PDS5B: variants seen among roughly 807,000 people sequenced by gnomAD.
The protein encoded by PDS5B is sister chromatid cohesion protein PDS5 homolog B.
PDS5B carries 51 observed loss-of-function variants against 184.1 expected under a neutral mutation model. That is an observed-to-expected ratio of 0.28 (90% CI 0.22 to 0.35). The LOEUF (loss-of-function observed/expected upper bound fraction) is 0.35. Ranked by LOEUF, PDS5B falls within the 10% of genes least tolerant of loss-of-function variation. The pLI is 1.00. For missense variants in PDS5B, 1,180 were observed against 1,723.3 expected, an observed-to-expected ratio of 0.68 and a Z score of 5.58; for synonymous variants, 566 against 569.2, an observed-to-expected ratio of 0.99 and a Z score of 0.08.
At chr13:32,706,205 G>C (rs1317527605) in intron 17 of PDS5B, among the ~76,000 whole-genome samples, 2 of 151,824 alleles carry the variant, frequency 1.3e-5, no homozygotes, top group African/African-American at 4.8e-5. Flanking sequence ...TTGAACCCAG[G>C]AGGCGGAGGT....
chr13:32,760,414 C>G (rs1304529491), intron 29 of PDS5B, among the ~76,000 whole-genome samples, 161 bp from the exon 30 acceptor site: 1 of 152,122 alleles, frequency 6.6e-6, no homozygotes, highest in African/African-American at 2.4e-5. Flanking sequence ...TTAATTTGTT[C>G]AAGTGATATT....
intron 19 of PDS5B, among the ~76,000 whole-genome samples, chr13:32,725,892 A>AT (rs1952882673): frequency 6.6e-6 from 1 of 152,222 alleles, no homozygotes; most frequent in Admixed American, 6.5e-5. Flanking sequence ...GTATCATATT[A>AT]GAGATCTGCA....
chr13:32,754,064 C>T (rs980200685), intron 25 of PDS5B, among the ~76,000 whole-genome samples: 4 of 152,016 alleles, frequency 2.6e-5, no homozygotes, highest in Admixed American at 2.0e-4. Context: ...TTTTTCCCTC[C>T]TCTCATCCGT....
chr13:32,751,816 T>C (rs1593603207), intron 24 of PDS5B, among the ~76,000 whole-genome samples: 1 of 152,358 alleles, frequency 6.6e-6, no homozygotes, highest in East Asian at 1.9e-4. Context: ...CTGTTTACTC[T>C]GTTGATGGTT....
chr13:32,726,357 A>G (rs1593530942), intron 19 of PDS5B, among the ~76,000 whole-genome samples: 1 of 152,266 alleles, frequency 6.6e-6, no homozygotes, highest in East Asian at 1.9e-4. Flanking sequence ...TTCATTATTT[A>G]TGGACATTGG....
chr13:32,629,526 T>C (rs2058423238), intron 1 of PDS5B, among the ~76,000 whole-genome samples: 1 of 152,320 alleles, frequency 6.6e-6, no homozygotes, highest in African/African-American at 2.4e-5. Context: ...GTTGGAGTTA[T>C]CCATTACATT....
At position 32,591,979 on chromosome 13, in the gene PDS5B, T is replaced by C. The variant is rs568462742; in HGVS notation, c.-20+5386T>C. On this transcript the variant is annotated intron_variant, in intron 1 of 34. Transcript: ENST00000315596. ...CAACTCTGGGTCAGTATGAGAGTAT[T>C]GAAAGCCCTTGACTTGGTGTAAACA... Among the ~76,000 whole-genome samples, 3 of 152,250 alleles carry C rather than the reference T, an allele frequency of 2.0e-5. No homozygotes were observed. The South Asian group carries it at 6.2e-4, about 32-fold the overall frequency.
At chr13:32,676,985 T>C (rs1169702844) in intron 9 of PDS5B, among the ~76,000 whole-genome samples, 1 of 151,648 alleles carries the variant, frequency 6.6e-6, no homozygotes, top group Non-Finnish European at 1.5e-5. Context: ...TTATATTCTT[T>C]GTGTTGAAAT....
chr13:32,664,333 G>GTACAAAAACCTTCTAGCATAA (rs1950728088), intron 6 of PDS5B, among the ~76,000 whole-genome samples: 1 of 152,068 alleles, frequency 6.6e-6, no homozygotes. Flanking sequence ...GAGACATAAG[G>GTACAAAAACCTTCTAGCATAA]TACAAAAACC....
At chr13:32,613,318 G>C (rs927182027) in intron 1 of PDS5B, among the ~76,000 whole-genome samples, 5 of 152,176 alleles carry the variant, frequency 3.3e-5, no homozygotes, top group African/African-American at 9.6e-5. Context: ...AAGCCAGACT[G>C]TTTTCCAGAG....
At chr13:32,753,827 T>G (rs1165813954) in intron 25 of PDS5B, among the ~76,000 whole-genome samples, 1 of 152,176 alleles carries the variant, frequency 6.6e-6, no homozygotes, top group African/African-American at 2.4e-5. Context: ...TTATATAGAT[T>G]GAGCATTATC....
chr13:32,587,352 C>T (rs763016158), intron 1 of PDS5B, among the ~76,000 whole-genome samples: 1 of 152,172 alleles, frequency 6.6e-6, no homozygotes, highest in African/African-American at 2.4e-5. Flanking sequence ...GGAGGGACTC[C>T]TCCCAGGCCA....
Position 32,597,936 on chromosome 13 carries a change from C to G in PDS5B, c.-20+11343C>G, listed in dbSNP as rs1269220077. 2.0e-5 allele frequency among the ~76,000 whole-genome samples: 3 copies of G among 150,950 alleles called. No homozygotes were observed. The East Asian group carries it at 5.8e-4, about 29-fold the overall frequency. On this transcript the variant is annotated intron_variant, in intron 1 of 34. Transcript: ENST00000315596. The stretch of plus-strand genomic sequence containing the variant: ...TTTAAATGAGAGTGAACATCCTGGT[C>G]TTGTTGTGATCTTAAGGGGGAAGGC...
intron 1 of PDS5B, among the ~76,000 whole-genome samples, chr13:32,615,791 T>G (rs73451428): frequency 0.01 from 1,591 of 152,318 alleles, 39 homozygotes; most frequent in African/African-American, 0.036. Context: ...ATATAAATCA[T>G]AGAAAGTACA....
Position 32,719,133 on chromosome 13 carries a change from T to C in PDS5B, c.2123+9027T>C, listed in dbSNP as rs141195127. On this transcript the variant is annotated intron_variant, in intron 19 of 34. Coordinates refer to ENST00000315596, the MANE Select transcript of PDS5B (RefSeq NM_015032.4). The stretch of plus-strand genomic sequence containing the variant: ...TCCTTGTTTGTAGAGGAAGGGACAC[T>C]TATACCAAGTCATGAATGAAATATT... Among the ~76,000 whole-genome samples the C allele has an allele frequency of 1.6e-4, 24 of 152,336 alleles. 1 individual carries two copies. The highest frequency in any genetic ancestry group is 5.5e-4 in the African/African-American group (23 of 41,576).
rs1950375343 is a variant in PDS5B, at chr13:32,651,909, C to A, written c.214C>A (p.Pro72Thr). Residue 72 changes from proline (P) to threonine (T), a missense_variant, in exon 3 of 35, where the codon CCT (proline) becomes ACT (threonine). By Grantham distance (38) the Pro-to-Thr change is conservative. This residue lies in a region of PDS5B where 22 missense variants were observed against 79.3 expected (regional missense o/e 0.28). Coordinates refer to ENST00000315596, the MANE Select transcript of PDS5B (RefSeq NM_015032.4). ...TGCTTCAGATTTTTTTCTCAAGCATCCTGATAAAGATGTTCGCTTACTGGT... is the reference window on the plus strand; with the variant it reads ...TGCTTCAGATTTTTTTCTCAAGCATACTGATAAAGATGTTCGCTTACTGGT... ...HLASDFFLKH[P>T]DKDVRLLVAC... is the part of the protein sequence containing the mutation. 6.2e-7 allele frequency: 1 copy of A among 1,613,246 alleles called. No homozygotes were observed. The highest frequency in any genetic ancestry group is 8.5e-7 in the Non-Finnish European group (1 of 1,179,346).
At chr13:32,649,380 A>G (rs1950310151) in intron 2 of PDS5B, 1 of 152,510 alleles carries the variant, frequency 6.6e-6, no homozygotes. Flanking sequence ...GGGCCTCTTC[A>G]TATGTGTTTG....
intron 1 of PDS5B, among the ~76,000 whole-genome samples, chr13:32,620,199 G>T (rs1189527774): frequency 1.3e-5 from 2 of 151,878 alleles, no homozygotes; most frequent in Non-Finnish European, 2.9e-5. Flanking sequence ...AGATTTTTTT[G>T]GTCCACCTTG....
At chr13:32,665,588 CAAAAAA>C (rs34604938) in intron 6 of PDS5B, among the ~76,000 whole-genome samples, 5 of 25,880 alleles carry the variant, frequency 1.9e-4, no homozygotes, top group African/African-American at 5.0e-4. Context: ...GACTCCGACT[CAAAAAA>C]AAAAAAAAAA....
Sources: allele counts gnomAD v4.1 joint callset (sites outside exome capture counted in the v4.1 genomes callset), GRCh38; gene constraint gnomAD v4.1.1; regional missense constraint gnomAD v4.1.1; transcripts MANE v1.5; gene names NCBI Gene and HGNC (gene_info 2026-07-23, HGNC 2026-07-21).